CRISP2: variants seen among roughly 807,000 people sequenced by gnomAD.
CRISP2 encodes the protein cysteine rich secretory protein 2, also known as cysteine-rich secretory protein 2.
Under a neutral mutation model 31.7 loss-of-function variants are expected in CRISP2, and 29 were observed. That is an observed-to-expected ratio of 0.92 (90% CI 0.68 to 1.25). The LOEUF (loss-of-function observed/expected upper bound fraction) is 1.25. Among genes scored for constraint, CRISP2 ranks in the 50% most tolerant of loss-of-function variants. The pLI is 0.00. For synonymous variants in CRISP2, 111 were observed against 101.4 expected (o/e 1.09, Z -0.57); for missense variants, 318 against 286.5 (o/e 1.11, Z -0.79).
At chr6:49,712,962 C>T (rs1203337391) in intron 1 of CRISP2, among the ~76,000 whole-genome samples, 1 of 152,082 alleles carries the variant, frequency 6.6e-6, no homozygotes, top group East Asian at 1.9e-4. Context: ...CAGTGTCCCA[C>T]ATGGTAAGTA....
At chr6:49,712,202 C>T (rs1394714940) in intron 2 of CRISP2, among the ~76,000 whole-genome samples, 1 of 152,162 alleles carries the variant, frequency 6.6e-6, no homozygotes, top group Non-Finnish European at 1.5e-5. Flanking sequence ...GAAAGCCATA[C>T]ACAGGAGCCT....
chr6:49,687,987 G>A (rs1005873860), downstream of CRISP2, among the ~76,000 whole-genome samples: 8 of 152,152 alleles, frequency 5.3e-5, no homozygotes, highest in African/African-American at 9.6e-5. Flanking sequence ...TTCACAACTG[G>A]GGAAATACCA....
chr6:49,677,530 T>C, the CRISP2 span, among the ~76,000 whole-genome samples: 30 of 152,296 alleles, frequency 2.0e-4, 1 homozygote, highest in African/African-American at 6.7e-4. Flanking sequence ...GGGCAGGTAG[T>C]GTTCTTTCAC....
chr6:49,696,271 A>C (rs1764729487), intron 8 of CRISP2, among the ~76,000 whole-genome samples: 1 of 152,166 alleles, frequency 6.6e-6, no homozygotes, highest in Non-Finnish European at 1.5e-5. Context: ...ATTAGGGGTA[A>C]AACATCCTGT....
chr6:49,705,010 CCCTAAGGTCA>C (rs1264964789), intron 4 of CRISP2, among the ~76,000 whole-genome samples: 1 of 152,056 alleles, frequency 6.6e-6, no homozygotes, highest in Non-Finnish European at 1.5e-5. Flanking sequence ...TACAAGTTTG[CCCTAAGGTCA>C]CCTGGATAAG....
the CRISP2 span, among the ~76,000 whole-genome samples, chr6:49,686,178 G>GTCCATATC: frequency 6.6e-6 from 1 of 152,096 alleles, no homozygotes; most frequent in Non-Finnish European, 1.5e-5. Context: ...CTGAAGATAC[G>GTCCATATC]TCCATATCAG....
At chr6:49,690,616 G>A (rs543005957), downstream of CRISP2, among the ~76,000 whole-genome samples, 1 of 152,124 alleles carries the variant, frequency 6.6e-6, no homozygotes, top group East Asian at 1.9e-4. Context: ...CACTGAAAAT[G>A]TTCATTTTGG....
At chr6:49,686,139 C>A in the CRISP2 span, among the ~76,000 whole-genome samples, 1 of 152,248 alleles carries the variant, frequency 6.6e-6, no homozygotes, top group Admixed American at 6.5e-5. Context: ...ATGTTTTGCT[C>A]TTCGCTGTCT....
the CRISP2 span, among the ~76,000 whole-genome samples, chr6:49,680,422 T>C: frequency 2.0e-5 from 3 of 152,338 alleles, no homozygotes; most frequent in Non-Finnish European, 4.4e-5. Flanking sequence ...TTTAGGTTGA[T>C]TCCATGTCTT....
chr6:49,700,656 A>G lies in CRISP2; in HGVS notation c.183+12T>C, dbSNP rs1429134688. On this transcript the variant is annotated intron_variant, in intron 5 of 9. Coordinates refer to ENST00000339139, the MANE Select transcript of CRISP2 (RefSeq NM_003296.4). ...TGATTCACACCCATCTCCTTACAGC[A>G]CTGCCTCTTACCATCTTTAGCATGT... 1 of 1,526,062 alleles carries G rather than the reference A, an allele frequency of 6.6e-7. No homozygotes were observed. Among genetic ancestry groups the G allele is most frequent in the Admixed American group, 1.7e-5 (1 of 59,748 alleles). The allele number at this position is 1,526,062 out of a possible 1,614,324, so 94.5% of individuals were successfully genotyped here. A position where few individuals can be genotyped will look rare whatever the true frequency, so the allele number is the denominator to read the frequency against.
chr6:49,705,911 C>T (rs1766938455), intron 4 of CRISP2, among the ~76,000 whole-genome samples: 1 of 152,112 alleles, frequency 6.6e-6, no homozygotes, highest in African/African-American at 2.4e-5. Flanking sequence ...TAGCGTCAAG[C>T]CACTTCTTTC....
At chr6:49,695,728 C>T (rs1764621301) in intron 9 of CRISP2, 108 bp downstream of exon 9, 1 of 929,148 alleles carries the variant, frequency 1.1e-6, no homozygotes, top group Non-Finnish European at 1.6e-6. Context: ...GTTTTTTCAC[C>T]AATACATTAT....
At chr6:49,690,955 G>GT (rs572745952), downstream of CRISP2, among the ~76,000 whole-genome samples, 412 of 144,382 alleles carry the variant, frequency 2.9e-3, no homozygotes, top group African/African-American at 8.5e-3. Flanking sequence ...GGTATAGAGG[G>GT]TTTTTTTTTT....
rs534350466 is a variant in CRISP2, at chr6:49,695,751, C to T, written c.604+85G>A. On this transcript the variant is annotated intron_variant, in intron 9 of 9. Coordinates refer to ENST00000339139, the MANE Select transcript of CRISP2 (RefSeq NM_003296.4). ...ACCAATACATTATTTCAATTCATTACGTTAGGAGATTTGTTAAATTATATA... is the reference window on the plus strand; with the variant it reads ...ACCAATACATTATTTCAATTCATTATGTTAGGAGATTTGTTAAATTATATA... 6.2e-5 allele frequency: 67 copies of T among 1,085,872 alleles called. No individual in the cohort carries two copies. In the African/African-American group the frequency reaches 9.5e-4, roughly 15 times the overall value. The allele number at this position is 1,085,872 out of a possible 1,614,324, so 67.3% of individuals were successfully genotyped here. A position where few individuals can be genotyped will look rare whatever the true frequency, so the allele number is the denominator to read the frequency against.
intron 4 of CRISP2, among the ~76,000 whole-genome samples, chr6:49,703,787 TC>T (rs1312846863): frequency 6.6e-6 from 1 of 152,172 alleles, no homozygotes; most frequent in African/African-American, 2.4e-5. Context: ...CTCGTAATAT[TC>T]TTTTCTTGAT....
rs1765767200 is a variant in CRISP2, at chr6:49,701,613, T to G, written c.67-829A>C. Among the ~76,000 whole-genome samples, 2 of 5,426 alleles carry G rather than the reference T, an allele frequency of 3.7e-4. 1 individual carries two copies. The highest frequency in any genetic ancestry group is 1.1e-3 in the Non-Finnish European group (2 of 1,800). The allele number at this position is 5,426 out of a possible 152,430, so 3.6% of individuals were successfully genotyped here. A position where few individuals can be genotyped will look rare whatever the true frequency, so the allele number is the denominator to read the frequency against. On this transcript the variant is annotated intron_variant, in intron 4 of 9. Transcript: ENST00000339139. ...TATATATATACACACACACACGGTA[T>G]ATATATATACATTATATATGTATAC...
Position 49,709,128 on chromosome 6 carries a change from T to C in CRISP2, c.66+3A>G, listed in dbSNP as rs1251817419. 1.9e-6 allele frequency: 3 copies of C among 1,613,362 alleles called. No homozygotes were observed. Among genetic ancestry groups the C allele is most frequent in the Admixed American group, 1.7e-5 (1 of 59,994 alleles). On this transcript the variant is annotated splice_donor_region_variant and intron_variant, in intron 4 of 9. Transcript: ENST00000339139. ...CTGAAAAGATTTTCCATTTTAACCT[T>C]ACCTTTCCTTCTGCAGGTAAAGATG...
At position 49,692,887 on chromosome 6, in the gene CRISP2, C is replaced by G; in HGVS notation, c.618G>C (p.Gln206His). ...CDKGLCTNSC[Q>H]YQDLLSNCDS... ...CACAGTTACTTAGGAGATCTTGATA[C>G]TGGCAACTATTGGCTGTAACAAAAA... Residue 206 changes from glutamine (Q) to histidine (H), a missense_variant, in exon 10 of 10, where the codon CAG becomes CAC. Coordinates refer to ENST00000339139, the MANE Select transcript of CRISP2 (RefSeq NM_003296.4). The G allele has an allele frequency of 6.2e-7, 1 of 1,613,570 alleles. No homozygotes were observed. Among genetic ancestry groups the G allele is most frequent in the Non-Finnish European group, 8.5e-7 (1 of 1,179,600 alleles).
At chr6:49,679,777 C>T in the CRISP2 span, among the ~76,000 whole-genome samples, 1 of 151,984 alleles carries the variant, frequency 6.6e-6, no homozygotes, top group Admixed American at 6.6e-5. Context: ...ACGATCTTGG[C>T]TCACTGCAAC....
Sources: allele counts gnomAD v4.1 joint callset (sites outside exome capture counted in the v4.1 genomes callset), GRCh38; gene constraint gnomAD v4.1.1; transcripts MANE v1.5; gene names NCBI Gene and HGNC (gene_info 2026-07-23, HGNC 2026-07-21).